DHX37: variants seen among roughly 807,000 people sequenced by gnomAD.
DHX37 encodes the protein probable ATP-dependent RNA helicase DHX37.
Under a neutral mutation model 134.3 loss-of-function variants are expected in DHX37, and 52 were observed. The observed-to-expected ratio is 0.39, with a 90% CI of 0.31 to 0.49. The LOEUF is 0.49. Among genes scored for constraint, DHX37 ranks in the 20% least tolerant of loss-of-function variants. The pLI is 0.93. For missense variants in DHX37, 1,344 were observed against 1,580.8 expected (o/e 0.85, Z 2.54); for synonymous variants, 634 against 670.7 (o/e 0.95, Z 0.85).
Position 124,956,675 on chromosome 12 carries a change from G to T in DHX37, c.2453+16C>A. The T allele has an allele frequency of 6.6e-7, 1 of 1,526,304 alleles. No individual in the cohort carries two copies. Among genetic ancestry groups the T allele is most frequent in the Non-Finnish European group, 8.8e-7 (1 of 1,130,538 alleles). 94.5% of individuals were successfully genotyped at this position (1,526,304 alleles called of 1,614,324 possible). On this transcript the variant is annotated intron_variant, in intron 18 of 26. Transcript: ENST00000308736. ...AACTGAGCTTGGCCCTGAGTGCCCA[G>T]CCGCCAACCTCGCACCTGTCCAGCT...
intron 22 of DHX37, 54 bp downstream of exon 22, chr12:124,950,636 A>AC: frequency 6.3e-7 from 1 of 1,591,750 alleles, no homozygotes; most frequent in Non-Finnish European, 8.6e-7. Context: ...TCCCAGCCAC[A>AC]CCCCCATTAG....
Position 124,972,489 on chromosome 12 carries a change from G to A in DHX37, c.1077+14C>T. On this transcript the variant is annotated intron_variant, in intron 7 of 26. Coordinates refer to ENST00000308736, the MANE Select transcript of DHX37 (RefSeq NM_032656.4). The stretch of plus-strand genomic sequence containing the variant: ...CCACTGGCCTTGCTCTGTGAGCCAG[G>A]ATCCACAACCAACCTTCTGGATTTC... The A allele has an allele frequency of 6.2e-7, 1 of 1,613,646 alleles. No individual in the cohort carries two copies. Among genetic ancestry groups the A allele is most frequent in the African/African-American group, 1.3e-5 (1 of 75,040 alleles).
At chr12:124,961,176 G>A (rs1188542678) in intron 15 of DHX37, among the ~76,000 whole-genome samples, 2 of 76,256 alleles carry the variant, frequency 2.6e-5, no homozygotes, top group Admixed American at 1.5e-4. Flanking sequence ...ATACACGCGC[G>A]CATGCGCGCA....
intron 4 of DHX37, among the ~76,000 whole-genome samples, chr12:124,979,515 C>T (rs1954713826): frequency 6.6e-6 from 1 of 152,182 alleles, no homozygotes; most frequent in Non-Finnish European, 1.5e-5. Context: ...GCCTCAGCTG[C>T]CTGCATCAAC....
At position 124,980,385 on chromosome 12, in the gene DHX37, G is replaced by A; in HGVS notation, c.738+105C>T. 7.9e-7 allele frequency: 1 copy of A among 1,263,074 alleles called. No individual in the cohort carries two copies. Among genetic ancestry groups the A allele is most frequent in the Non-Finnish European group, 1.1e-6 (1 of 927,336 alleles). 78.2% of individuals were successfully genotyped at this position (1,263,074 alleles called of 1,614,324 possible). A position where few individuals can be genotyped will look rare whatever the true frequency, so the allele number is the denominator to read the frequency against. ...TCTCCCCTTTCCCAGATGGGGACATGGAGGCACAGAGAAGGGATGCCCTTG... is the reference window on the plus strand; with the variant it reads ...TCTCCCCTTTCCCAGATGGGGACATAGAGGCACAGAGAAGGGATGCCCTTG... On this transcript the variant is annotated intron_variant, in intron 4 of 26. Coordinates refer to ENST00000308736, the MANE Select transcript of DHX37 (RefSeq NM_032656.4). This position sits in a 1 kb window ranked among gnomAD's most constrained non-coding sequence, Gnocchi z 5.3.
At chr12:124,985,815 T>G (rs1594516166) in intron 2 of DHX37, among the ~76,000 whole-genome samples, 1 of 139,046 alleles carries the variant, frequency 7.2e-6, no homozygotes, top group African/African-American at 2.7e-5. Context: ...GAAAAAAAAA[T>G]TAAATTTAAA....
At chr12:124,961,697 G>T (rs1295482240) in intron 15 of DHX37, among the ~76,000 whole-genome samples, 1 of 152,210 alleles carries the variant, frequency 6.6e-6, no homozygotes, top group African/African-American at 2.4e-5. Flanking sequence ...AAAGTGCTGG[G>T]ATTACAGGCG....
At chr12:124,955,284 C>T (rs1460720855) in intron 18 of DHX37, among the ~76,000 whole-genome samples, 1 of 152,222 alleles carries the variant, frequency 6.6e-6, no homozygotes, top group Non-Finnish European at 1.5e-5. Context: ...CCCAAGTAGG[C>T]AGAGGAGGTG....
At chr12:124,950,594 G>A (rs35498490) in intron 22 of DHX37, 44 bp from the exon 23 acceptor site, 50,145 of 1,550,078 alleles carry the variant, frequency 0.032, 944 homozygotes, top group Middle Eastern at 0.04. Context: ...GGCACCCTCC[G>A]TGGGAGGGGC....
chr12:124,975,914 G>A (rs961304498), intron 5 of DHX37, among the ~76,000 whole-genome samples: 4 of 152,216 alleles, frequency 2.6e-5, no homozygotes, highest in Non-Finnish European at 5.9e-5. Context: ...GACGGGGCTG[G>A]CCCTCGCTGG....
Position 124,957,024 on chromosome 12 carries a change from C to T in DHX37, c.2264+5G>A, listed in dbSNP as rs1954112696. The T allele has an allele frequency of 6.6e-7, 1 of 1,518,458 alleles. No homozygotes were observed. Among genetic ancestry groups the T allele is most frequent in the Non-Finnish European group, 8.8e-7 (1 of 1,136,774 alleles). The allele number at this position is 1,518,458 out of a possible 1,614,324, so 94.1% of individuals were successfully genotyped here. On this transcript the variant is annotated splice_donor_5th_base_variant and intron_variant, in intron 17 of 26. Transcript: ENST00000308736. The stretch of plus-strand genomic sequence containing the variant: ...GGAACTGGGCTCTGCATCTCTTGGC[C>T]TTACCTTTCTGCTTTCTGGGGCGGT...
chr12:124,956,355 A>G (rs566368694), intron 18 of DHX37, among the ~76,000 whole-genome samples: 60 of 150,420 alleles, frequency 4.0e-4, no homozygotes, highest in Non-Finnish European at 6.8e-4. Context: ...GATCTACGCA[A>G]TAGGATGCCA....
intron 7 of DHX37, 61 bp downstream of exon 7, chr12:124,972,442 T>C: frequency 1.3e-6 from 2 of 1,574,612 alleles, no homozygotes; most frequent in Non-Finnish European, 8.7e-7. Flanking sequence ...CCAGGTGACA[T>C]CCTAGCATCC....
chr12:124,981,313 G>A (rs1023078932), intron 3 of DHX37, among the ~76,000 whole-genome samples: 6 of 144,036 alleles, frequency 4.2e-5, no homozygotes, highest in Non-Finnish European at 1.5e-5. Context: ...CAGGCCTCAT[G>A]TAAATGAGCA....
At chr12:124,969,152 G>A (rs981216219) in intron 8 of DHX37, among the ~76,000 whole-genome samples, 184 bp from the exon 9 acceptor site, 3 of 152,188 alleles carry the variant, frequency 2.0e-5, no homozygotes, top group African/African-American at 4.8e-5. Context: ...CTCCCAGGGC[G>A]GTGGCTTGTT....
At chr12:124,976,355 C>G (rs1954639350) in intron 5 of DHX37, among the ~76,000 whole-genome samples, 1 of 152,264 alleles carries the variant, frequency 6.6e-6, no homozygotes, top group Non-Finnish European at 1.5e-5. Flanking sequence ...CGAACCTGAG[C>G]ATGGTCTTGG....
chr12:124,947,992 C>T, intron 26 of DHX37, 92 bp downstream of exon 26: 1 of 1,613,302 alleles, frequency 6.2e-7, no homozygotes, highest in South Asian at 1.1e-5. Context: ...ATCCTTCTGC[C>T]AAGCCAGGGC....
chr12:124,950,875 G>C (rs1953965979), intron 21 of DHX37, 71 bp from the exon 22 acceptor site: 2 of 1,491,772 alleles, frequency 1.3e-6, no homozygotes, highest in Middle Eastern at 2.0e-4. Flanking sequence ...TTTCAACCCA[G>C]GAGAAGAATC....
intron 7 of DHX37, 90 bp downstream of exon 7, chr12:124,972,413 C>T: frequency 1.4e-6 from 2 of 1,387,130 alleles, no homozygotes; most frequent in Non-Finnish European, 2.0e-6. Flanking sequence ...CAACAGGTGG[C>T]TTGCCGGCTG....
Sources: gnomAD v4.1 joint callset for allele counts (sites outside exome capture counted in the v4.1 genomes callset) on GRCh38, gnomAD v4.1.1 for gene constraint, Gnocchi (gnomAD v3.1) non-coding constraint, MANE v1.5 for transcripts, NCBI Gene and HGNC (gene_info 2026-07-23, HGNC 2026-07-21) for gene names.